Variants in PTPRD observed in about 807,000 individuals in gnomAD.
The protein encoded by PTPRD is protein tyrosine phosphatase receptor type D, also known as receptor-type tyrosine-protein phosphatase delta.
A neutral mutation model predicts 214.5 loss-of-function variants in PTPRD; 34 were observed. The observed-to-expected ratio is 0.16, with a 90% CI of 0.12 to 0.21. The LOEUF (loss-of-function observed/expected upper bound fraction) is 0.21. Ranked by LOEUF, PTPRD falls within the 10% of genes least tolerant of loss-of-function variation. PTPRD has a pLI of 1.00. For missense variants in PTPRD, 2,545 were observed against 2,398.7 expected (o/e 1.06, Z -1.27); for synonymous variants, 1,128 against 845.7 (o/e 1.33, Z -5.79).
At chr9:9,621,714 T>C (rs1333985247) in intron 7 of PTPRD, among the ~76,000 whole-genome samples, 1 of 152,166 alleles carries the variant, frequency 6.6e-6, no homozygotes, top group Non-Finnish European at 1.5e-5. Context: ...CTTTAATACA[T>C]TTAGTTAAAG....
At chr9:8,691,020 A>T (rs1283277537) in intron 12 of PTPRD, among the ~76,000 whole-genome samples, 1 of 152,198 alleles carries the variant, frequency 6.6e-6, no homozygotes, top group East Asian at 1.9e-4. Context: ...AACATGTGAA[A>T]GAAAAAATTA....
At chr9:9,426,470 C>T (rs775062974) in intron 8 of PTPRD, among the ~76,000 whole-genome samples, 16 of 152,212 alleles carry the variant, frequency 1.1e-4, no homozygotes, top group South Asian at 2.1e-4. Context: ...CTGTAGACTC[C>T]ACCTCTGACG....
At chr9:9,967,582 T>C (rs943423151) in intron 4 of PTPRD, among the ~76,000 whole-genome samples, 1 of 152,168 alleles carries the variant, frequency 6.6e-6, no homozygotes, top group African/African-American at 2.4e-5. Context: ...ATTATCTCAC[T>C]TTTCAGATGA....
intron 5 of PTPRD, among the ~76,000 whole-genome samples, chr9:9,893,391 A>G (rs1473584223): frequency 6.6e-6 from 1 of 152,130 alleles, no homozygotes; most frequent in Admixed American, 6.6e-5. Context: ...CTCATCTCAC[A>G]TGCAATGACA....
At chr9:8,961,430 C>T (rs116356406) in intron 11 of PTPRD, among the ~76,000 whole-genome samples, 21 of 152,198 alleles carry the variant, frequency 1.4e-4, no homozygotes, top group African/African-American at 5.1e-4. Context: ...CTGGAATACT[C>T]CTCCCATTTG....
intron 5 of PTPRD, among the ~76,000 whole-genome samples, chr9:9,849,913 C>T (rs961087859): frequency 3.9e-5 from 6 of 152,062 alleles, no homozygotes; most frequent in Middle Eastern, 3.2e-3. Flanking sequence ...CATGGTCCTA[C>T]AGCGGAATAA....
chr9:8,522,141 T>C, intron 19 of PTPRD, among the ~76,000 whole-genome samples: 1 of 152,176 alleles, frequency 6.6e-6, no homozygotes, highest in East Asian at 1.9e-4. Flanking sequence ...CACAGAAATG[T>C]ATATACATAT....
At chr9:9,491,457 C>G (rs2095892341) in intron 8 of PTPRD, among the ~76,000 whole-genome samples, 1 of 151,816 alleles carries the variant, frequency 6.6e-6, no homozygotes, top group Non-Finnish European at 1.5e-5. Flanking sequence ...CGGAAATGTA[C>G]AGAATACTCT....
At chr9:9,569,979 T>A (rs897951888) in intron 8 of PTPRD, among the ~76,000 whole-genome samples, 1 of 151,454 alleles carries the variant, frequency 6.6e-6, no homozygotes, top group Non-Finnish European at 1.5e-5. Flanking sequence ...TTCAGAAATA[T>A]CAGTTGAAAG....
chr9:9,938,040 G>A (rs1055810730), intron 5 of PTPRD, among the ~76,000 whole-genome samples: 6 of 152,064 alleles, frequency 3.9e-5, no homozygotes, highest in Admixed American at 3.3e-4. Context: ...TTATCTGCTT[G>A]CCCTTATTGC....
chr9:10,421,772 T>C (rs1002807689), intron 2 of PTPRD, among the ~76,000 whole-genome samples: 23 of 152,018 alleles, frequency 1.5e-4, no homozygotes, highest in Admixed American at 7.9e-4. Context: ...CTGTTTTTCA[T>C]TCCATTTTGT....
intron 11 of PTPRD, among the ~76,000 whole-genome samples, chr9:8,968,244 A>T (rs1348788490): frequency 1.3e-5 from 2 of 152,092 alleles, no homozygotes; most frequent in Admixed American, 1.3e-4. Flanking sequence ...CAGCAGCATG[A>T]TTTATAATCC....
intron 5 of PTPRD, among the ~76,000 whole-genome samples, chr9:9,822,358 C>G (rs1258709165): frequency 2.0e-5 from 3 of 150,862 alleles, no homozygotes; most frequent in African/African-American, 7.3e-5. Context: ...TTGCAGTGAG[C>G]CAAGATCACA....
intron 7 of PTPRD, among the ~76,000 whole-genome samples, chr9:9,730,447 T>C (rs1182604603): frequency 1.3e-5 from 2 of 152,142 alleles, no homozygotes; most frequent in African/African-American, 4.8e-5. Flanking sequence ...ATAAAAGATA[T>C]GTATACACAG....
chr9:9,055,028 T>C (rs1337036360), intron 10 of PTPRD, among the ~76,000 whole-genome samples: 1 of 152,174 alleles, frequency 6.6e-6, no homozygotes, highest in East Asian at 1.9e-4. Context: ...TTGCAAGGAC[T>C]GAAACTTGTC....
At chr9:8,905,032 T>C (rs910338921) in intron 11 of PTPRD, among the ~76,000 whole-genome samples, 1 of 152,278 alleles carries the variant, frequency 6.6e-6, no homozygotes, top group African/African-American at 2.4e-5. Context: ...CACTTCAAGA[T>C]TTAAATGACA....
chr9:8,333,984 C>T (rs1258033593), intron 43 of PTPRD, among the ~76,000 whole-genome samples: 1 of 152,158 alleles, frequency 6.6e-6, no homozygotes, highest in African/African-American at 2.4e-5. Flanking sequence ...GAAGAGTTAA[C>T]TATCCTAAAT....
chr9:8,844,878 T>C (rs2097654546), intron 11 of PTPRD, among the ~76,000 whole-genome samples: 1 of 152,188 alleles, frequency 6.6e-6, no homozygotes. Flanking sequence ...AGCTCTACTA[T>C]CATGGTGGAA....
intron 2 of PTPRD, among the ~76,000 whole-genome samples, chr9:10,460,367 T>C (rs2098949656): frequency 6.8e-6 from 1 of 147,026 alleles, no homozygotes; most frequent in Non-Finnish European, 1.5e-5. Flanking sequence ...TTCACAAAAA[T>C]AGATAAAAAA....
Sources: gnomAD v4.1 joint callset for allele counts (sites outside exome capture counted in the v4.1 genomes callset) on GRCh38, gnomAD v4.1.1 for gene constraint, MANE v1.5 for transcripts, NCBI Gene and HGNC (gene_info 2026-07-23, HGNC 2026-07-21) for gene names.